The following RELL1 variants were observed in gnomAD, a reference collection of about 807,000 sequenced individuals.
RELL1 encodes the protein RELT like 1, also known as RELT-like protein 1.
A neutral mutation model predicts 23.0 loss-of-function variants in RELL1; 10 were observed. That is an observed-to-expected ratio of 0.43 (90% confidence interval 0.27 to 0.74). RELL1 has a LOEUF of 0.74. RELL1 is among the 30% of genes least tolerant of loss of function. The pLI, the probability that RELL1 is intolerant of heterozygous loss-of-function variation, is 0.19. For missense variants in RELL1, 315 were observed against 364.4 expected (o/e 0.86, Z 1.10); for synonymous variants, 146 against 146.8 (o/e 0.99, Z 0.04).
Position 37,635,010 on chromosome 4 carries a change from AC to A in RELL1, c.556del (p.Val186LeufsTer18). The A allele has an allele frequency of 6.2e-7, 1 of 1,614,136 alleles. No homozygotes were observed. The highest frequency in any genetic ancestry group is 1.3e-5 in the African/African-American group (1 of 75,028). On this transcript the variant is annotated frameshift_variant, in exon 5 of 7. Coordinates refer to ENST00000454158, the MANE Select transcript of RELL1 (RefSeq NM_001085400.2). LOFTEE classifies it high-confidence loss of function. The stretch of plus-strand genomic sequence containing the variant: ...CCGATGACACACATCCCTCTCGACA[AC>A]ACCGCCCACCGTATGCAGATGATGG... ...CGHHLHTVGG[V>X]VERDVCHRCR...
In RELL1 at chr4:37,612,655, A is replaced by T. The variant is rs1719444869; in HGVS notation, c.*691T>A. Among the ~76,000 whole-genome samples, 1 of 150,982 alleles carries T rather than the reference A, an allele frequency of 6.6e-6. No individual in the cohort carries two copies. Among genetic ancestry groups the T allele is most frequent in the Non-Finnish European group, 1.5e-5 (1 of 67,892 alleles). On this transcript the variant is annotated 3_prime_UTR_variant, in exon 7 of 7. Transcript: ENST00000454158. ...CTGCCTCAAAAAAAAAAAAAAAAAA[A>T]CCTTCTCAAAATGTGTAAGTGCTGT...
At chr4:37,588,972 C>A (rs367671308), downstream of RELL1, 9 of 1,127,018 alleles carry the variant, frequency 8.0e-6, no homozygotes, top group South Asian at 3.7e-5. Flanking sequence ...AAAGACCATG[C>A]GTGTATTCAG....
At chr4:37,677,712 T>G (rs1170981742) in intron 1 of RELL1, among the ~76,000 whole-genome samples, 1 of 152,202 alleles carries the variant, frequency 6.6e-6, no homozygotes, top group Non-Finnish European at 1.5e-5. Flanking sequence ...GGCTCACGCC[T>G]GTAATCCCAA....
chr4:37,590,170 G>A, downstream of RELL1: 2 of 1,614,200 alleles, frequency 1.2e-6, no homozygotes, highest in Non-Finnish European at 1.7e-6. Context: ...AGACGACACT[G>A]ATAAATTAAA....
At chr4:37,676,169 A>G (rs1722019667) in intron 1 of RELL1, among the ~76,000 whole-genome samples, 1 of 152,098 alleles carries the variant, frequency 6.6e-6, no homozygotes, top group Non-Finnish European at 1.5e-5. Flanking sequence ...GCCCTGTGTC[A>G]TACTTTCCTT....
At chr4:37,601,588 TCTC>T (rs1290254667) in intron 6 of RELL1, among the ~76,000 whole-genome samples, 1 of 152,096 alleles carries the variant, frequency 6.6e-6, no homozygotes, top group Non-Finnish European at 1.5e-5. Flanking sequence ...GAAAGGAAAT[TCTC>T]CTGAAGCAAT....
chr4:37,602,422 A>G (rs1327424505), intron 6 of RELL1, among the ~76,000 whole-genome samples: 1 of 135,910 alleles, frequency 7.4e-6, no homozygotes, highest in Non-Finnish European at 1.6e-5. Context: ...TCTGGCGGCT[A>G]ATGCTGTACC....
At chr4:37,670,612 C>T (rs1721802050) in intron 1 of RELL1, among the ~76,000 whole-genome samples, 1 of 151,470 alleles carries the variant, frequency 6.6e-6, no homozygotes, top group Non-Finnish European at 1.5e-5. Flanking sequence ...ACTCTGTGGC[C>T]CAGGCTGGAG....
intron 6 of RELL1, among the ~76,000 whole-genome samples, chr4:37,594,967 C>T (rs1037275731): frequency 5.3e-5 from 8 of 152,246 alleles, no homozygotes; most frequent in Admixed American, 5.2e-4. Flanking sequence ...CTTTCCTGGA[C>T]TTGGACTTAA....
downstream of RELL1, chr4:37,589,018 C>T (rs946377344): frequency 1.4e-6 from 1 of 728,752 alleles, no homozygotes; most frequent in African/African-American, 1.8e-5. Context: ...TCAACATTGC[C>T]AACACATTAA....
At chr4:37,615,929 A>C (rs1719560050) in intron 6 of RELL1, among the ~76,000 whole-genome samples, 1 of 152,138 alleles carries the variant, frequency 6.6e-6, no homozygotes, top group Non-Finnish European at 1.5e-5. Flanking sequence ...TATGTCTCTG[A>C]TTAGGATATA....
chr4:37,594,617 C>G (rs1315217550), intron 6 of RELL1, among the ~76,000 whole-genome samples: 1 of 152,100 alleles, frequency 6.6e-6, no homozygotes, highest in Non-Finnish European at 1.5e-5. Context: ...CCCCTCATTG[C>G]CAAAGCAGAT....
exon 7 of RELL1, chr4:37,590,875 G>A: frequency 6.2e-7 from 1 of 1,614,256 alleles, no homozygotes; most frequent in Non-Finnish European, 8.5e-7. Context: ...AAACAGGCAG[G>A]AGGATACCCA....
Position 37,611,975 on chromosome 4 carries a change from A to C in RELL1, c.*1371T>G, listed in dbSNP as rs1433006019. 6.6e-6 allele frequency among the ~76,000 whole-genome samples: 1 copy of C among 151,696 alleles called. No homozygotes were observed. Among genetic ancestry groups the C allele is most frequent in the Non-Finnish European group, 1.5e-5 (1 of 67,930 alleles). On this transcript the variant is annotated 3_prime_UTR_variant, in exon 7 of 7. Coordinates refer to ENST00000454158, the MANE Select transcript of RELL1 (RefSeq NM_001085400.2). The stretch of plus-strand genomic sequence containing the variant: ...TGGATCACGAGGTCAGGAGATCGAG[A>C]CCATCTTCGCTAATGCGGTGAAACC...
At chr4:37,600,373 T>A (rs1718984177) in intron 6 of RELL1, among the ~76,000 whole-genome samples, 1 of 152,110 alleles carries the variant, frequency 6.6e-6, no homozygotes, top group Non-Finnish European at 1.5e-5. Context: ...AATAACTAGA[T>A]CTTTGTTGCT....
At chr4:37,678,590 C>A (rs374978221) in intron 1 of RELL1, among the ~76,000 whole-genome samples, 29 of 152,304 alleles carry the variant, frequency 1.9e-4, no homozygotes, top group African/African-American at 7.0e-4. Flanking sequence ...GGAAACCCCT[C>A]AAGTAATGGC....
chr4:37,596,442 G>A (rs1718847570), intron 6 of RELL1, among the ~76,000 whole-genome samples: 1 of 40,622 alleles, frequency 2.5e-5, no homozygotes, highest in Non-Finnish European at 4.5e-5. Flanking sequence ...AGCAGGGATT[G>A]CCACACCTTT....
intron 1 of RELL1, among the ~76,000 whole-genome samples, chr4:37,669,841 A>ATGCTCTCGAGCATGC (rs1721761828): frequency 6.6e-6 from 1 of 151,632 alleles, no homozygotes; most frequent in African/African-American, 2.4e-5. Flanking sequence ...TGAAGGCAGC[A>ATGCTCTCGAGCATGC]TGCTCGTTAA....
chr4:37,594,406 CTG>C (rs1407177239), intron 6 of RELL1, among the ~76,000 whole-genome samples: 3 of 152,194 alleles, frequency 2.0e-5, no homozygotes, highest in Non-Finnish European at 4.4e-5. Context: ...AAGGCACTAA[CTG>C]TGATTAGGGG....
Sources: allele counts gnomAD v4.1 joint callset (sites outside exome capture counted in the v4.1 genomes callset), GRCh38; gene constraint gnomAD v4.1.1; transcripts MANE v1.5; gene names NCBI Gene and HGNC (gene_info 2026-07-23, HGNC 2026-07-21).